Variants in DNAH8 observed in about 807,000 individuals in gnomAD.
DNAH8 encodes the protein dynein axonemal heavy chain 8, also known as axonemal beta dynein heavy chain 8.
Under a neutral mutation model 562.1 loss-of-function variants are expected in DNAH8, and 382 were observed. The ratio of observed to expected loss-of-function variants is 0.68; its 90% CI spans 0.63 to 0.74. DNAH8 has a LOEUF of 0.74. Ranked by LOEUF, DNAH8 falls within the 30% of genes least tolerant of loss-of-function variation. DNAH8 has a pLI of 0.00. For synonymous variants in DNAH8, 1,881 were observed against 1,919.4 expected, an observed-to-expected ratio of 0.98 and a Z score of 0.52; for missense variants, 5,203 against 5,620.4, an observed-to-expected ratio of 0.93 and a Z score of 2.37.
At chr6:38,796,952 G>C (rs1390915302) in intron 21 of DNAH8, among the ~76,000 whole-genome samples, 7 of 152,274 alleles carry the variant, frequency 4.6e-5, no homozygotes, top group Non-Finnish European at 4.4e-5. Flanking sequence ...TGTTACAATA[G>C]CTGGTGTGTC....
intron 85 of DNAH8, among the ~76,000 whole-genome samples, chr6:38,981,310 G>A (rs945512742): frequency 9.2e-5 from 14 of 152,096 alleles, no homozygotes; most frequent in Non-Finnish European, 1.6e-4. Context: ...TGGGTTGTTG[G>A]ATCATCAATT....
chr6:38,927,983 A>G (rs553246254), intron 74 of DNAH8: 3 of 152,326 alleles, frequency 2.0e-5, no homozygotes, highest in African/African-American at 7.2e-5. Context: ...GTACAAACAC[A>G]TGCAAATGAA....
rs767762211 is a variant in DNAH8 at position 38,722,959 on chromosome 6, C to A, written c.150C>A (p.Ser50=). ...EAPAEDGFSP[S]AEDAVSSVVD... ...CGGCAGAAGATGGTTTCTCTCCTTC[C>A]GCAGAAGATGCTGTTTCTTCTGTGG... Residue 50 remains serine, a synonymous_variant, in exon 2 of 93, where the codon TCC becomes TCA. Coordinates refer to ENST00000327475, the MANE Select transcript of DNAH8 (RefSeq NM_001206927.2). The A allele has an allele frequency of 9.3e-6, 15 of 1,612,530 alleles. No homozygotes were observed. In the Admixed American group the frequency reaches 2.2e-4, roughly 23 times the overall value.
intron 70 of DNAH8, among the ~76,000 whole-genome samples, chr6:38,920,146 T>G (rs1439917493): frequency 6.6e-6 from 1 of 152,130 alleles, no homozygotes; most frequent in Non-Finnish European, 1.5e-5. Context: ...CAGGGTTTCA[T>G]TCTGGCCCCC....
intron 4 of DNAH8, among the ~76,000 whole-genome samples, chr6:38,730,734 G>C (rs1193366547): frequency 6.6e-6 from 1 of 152,180 alleles, no homozygotes; most frequent in African/African-American, 2.4e-5. Flanking sequence ...TTCAAGGCCT[G>C]CTGTCATCTG....
intron 1 of DNAH8, among the ~76,000 whole-genome samples, chr6:38,715,960 A>ATATATTTTTTTTTTTT (rs1372342002): frequency 8.5e-5 from 2 of 23,628 alleles, no homozygotes; most frequent in East Asian, 1.0e-3. Flanking sequence ...ATATATATAT[A>ATATATTTTTTTTTTTT]TTTTTTTTTT....
At position 38,926,179 on chromosome 6, in the gene DNAH8, T is replaced by TCTTTTTCC. The variant is rs765386646; in HGVS notation, c.11087_11088insCTTTTTCC (p.Lys3697PhefsTer14). 3 of 1,613,702 alleles carry TCTTTTTCC rather than the reference T, an allele frequency of 1.9e-6. No individual in the cohort carries two copies. Among genetic ancestry groups the TCTTTTTCC allele is most frequent in the Admixed American group, 3.3e-5 (2 of 59,988 alleles). ...CCACAAACTCAAGGCAAAACTTGGA[T>TCTTTTTCC]TAAATCAAAGGAAAAAGAAAATGAT... is the stretch of plus-strand genomic sequence containing the variant. On this transcript the variant is annotated frameshift_variant, in exon 74 of 93. Transcript: ENST00000327475. LOFTEE classifies it high-confidence loss of function.
chr6:38,738,512 A>G (rs1764278641), intron 7 of DNAH8, among the ~76,000 whole-genome samples: 2 of 152,214 alleles, frequency 1.3e-5, no homozygotes, highest in African/African-American at 2.4e-5. Context: ...GCTCCAACTT[A>G]CACTATAAAC....
chr6:38,961,658 A>T (rs1343854496), intron 82 of DNAH8, among the ~76,000 whole-genome samples: 1 of 152,004 alleles, frequency 6.6e-6, no homozygotes, highest in Non-Finnish European at 1.5e-5. Flanking sequence ...TTCAACACTT[A>T]TATTTGACTT....
chr6:38,722,828 G>C lies in DNAH8; in HGVS notation c.19G>C (p.Asp7His), dbSNP rs766901959. 6.3e-7 allele frequency: 1 copy of C among 1,595,072 alleles called. No individual in the cohort carries two copies. The highest frequency in any genetic ancestry group is 8.5e-7 in the Non-Finnish European group (1 of 1,171,592). MEKDAEDGAPSEGAEAP... is the reference protein window; with the variant it reads MEKDAEHGAPSEGAEAP... The stretch of plus-strand genomic sequence containing the variant: ...ACGGGGGATGGAGAAGGATGCTGAA[G>C]ATGGCGCCCCTTCTGAGGGAGCAGA... Residue 7 changes from aspartate to histidine, a missense_variant, in exon 2 of 93, where the codon GAT (aspartate) becomes CAT (histidine). Physicochemically the swap from Asp to His is moderately conservative, Grantham distance 81 (BLOSUM62 -1). This residue lies in a region of DNAH8 where 556 missense variants were observed against 496.9 expected (regional missense o/e 1.12). Coordinates refer to ENST00000327475, the MANE Select transcript of DNAH8 (RefSeq NM_001206927.2).
intron 17 of DNAH8, 45 bp downstream of exon 17, chr6:38,783,184 ATTTTGAATGAGTTCATAGT>A: frequency 6.3e-7 from 1 of 1,587,974 alleles, no homozygotes; most frequent in Non-Finnish European, 8.6e-7. Flanking sequence ...GGATTAGGTG[ATTTTGAATGAGTTCATAGT>A]TCTGGAGAAC....
intron 35 of DNAH8, among the ~76,000 whole-genome samples, chr6:38,844,069 C>T (rs1247794404): frequency 6.6e-6 from 1 of 152,162 alleles, no homozygotes; most frequent in Non-Finnish European, 1.5e-5. Context: ...TCCATTAAAT[C>T]TAGTTGCCTA....
chr6:38,733,985 AAAATGATGC>A (rs150803884), intron 4 of DNAH8, among the ~76,000 whole-genome samples: 37,659 of 149,358 alleles, frequency 0.25, 5,536 homozygotes, highest in Non-Finnish European at 0.34. Context: ...AAAAAAAAAA[AAAATGATGC>A]AATTATTGGC....
intron 88 of DNAH8, among the ~76,000 whole-genome samples, chr6:39,008,217 G>A (rs1360184051): frequency 2.0e-5 from 3 of 152,062 alleles, no homozygotes; most frequent in Non-Finnish European, 2.9e-5. Flanking sequence ...TTAGCTCAGT[G>A]CCTGGTACAT....
intron 56 of DNAH8, among the ~76,000 whole-genome samples, chr6:38,886,071 C>T (rs184252766): frequency 4.4e-4 from 67 of 152,148 alleles, no homozygotes; most frequent in Admixed American, 7.2e-4. Flanking sequence ...AGGTGTAGAG[C>T]TTAGAAGAGA....
At chr6:38,825,975 G>C (rs1317544666) in intron 28 of DNAH8, among the ~76,000 whole-genome samples, 181 bp from the exon 29 acceptor site, 2 of 152,166 alleles carry the variant, frequency 1.3e-5, no homozygotes, top group African/African-American at 4.8e-5. Context: ...CTGTGGGACA[G>C]GAATTAAGTC....
chr6:38,959,436 A>G (rs1254059203), intron 82 of DNAH8, among the ~76,000 whole-genome samples: 7 of 151,976 alleles, frequency 4.6e-5, no homozygotes, highest in Admixed American at 3.3e-4. Context: ...GTAGGATACA[A>G]AGTCAATCTA....
rs534980929 is a variant in DNAH8 at position 38,855,523 on chromosome 6, A to G, written c.5734-1995A>G. Among the ~76,000 whole-genome samples, 6 of 152,218 alleles carry G rather than the reference A, an allele frequency of 3.9e-5. No homozygotes were observed. The East Asian group carries it at 1.2e-3, about 29-fold the overall frequency. ...CTTTGTTCTTTTTTTAAATTGACAT[A>G]TAACAATTGTACATATTTATGGGGT... On this transcript the variant is annotated intron_variant, in intron 41 of 92. Coordinates refer to ENST00000327475, the MANE Select transcript of DNAH8 (RefSeq NM_001206927.2).
Position 38,937,306 on chromosome 6 carries a change from TAACA to T in DNAH8, c.11564-664_11564-661del, listed in dbSNP as rs1783051452. On this transcript the variant is annotated intron_variant, in intron 77 of 92. Transcript: ENST00000327475. ...CAAACATGGCCCATGTATACCTATG[TAACA>T]AACCTGCACGTTCTGCATGTGTACC... Among the ~76,000 whole-genome samples, 4 of 152,106 alleles carry T rather than the reference TAACA, an allele frequency of 2.6e-5. No individual in the cohort carries two copies. In the South Asian group the frequency reaches 8.3e-4, roughly 32 times the overall value.
Sources: allele counts gnomAD v4.1 joint callset (sites outside exome capture counted in the v4.1 genomes callset), GRCh38; gene constraint gnomAD v4.1.1; regional missense constraint gnomAD v4.1.1; transcripts MANE v1.5; gene names NCBI Gene and HGNC (gene_info 2026-07-23, HGNC 2026-07-21).